The following RYR2 variants were observed in gnomAD, a reference collection of about 807,000 sequenced individuals.
RYR2 encodes the protein cardiac muscle ryanodine receptor-calcium release channel.
Under a neutral mutation model 601.1 loss-of-function variants are expected in RYR2, and 227 were observed. The ratio of observed to expected loss-of-function variants is 0.38; its 90% confidence interval spans 0.34 to 0.42. The LOEUF is 0.42. Ranked by LOEUF, RYR2 falls within the 10% of genes least tolerant of loss-of-function variation. The pLI, the probability that RYR2 is intolerant of heterozygous loss-of-function variation, is 1.00. For missense variants in RYR2, 4,646 were observed against 6,156.5 expected (o/e 0.75, Z 8.21); for synonymous variants, 2,223 against 2,175.1 (o/e 1.02, Z -0.61).
chr1:237,525,063 A>G lies in RYR2; in HGVS notation c.2823-5364A>G, dbSNP rs557431040. Among the ~76,000 whole-genome samples, 271 of 152,248 alleles carry G rather than the reference A, an allele frequency of 1.8e-3. 1 individual carries two copies. Among genetic ancestry groups the G allele is most frequent in the African/African-American group, 6.1e-3 (253 of 41,542 alleles). On this transcript the variant is annotated intron_variant, in intron 24 of 104. Transcript: ENST00000366574. ...TGGGAATTTAGATTCTAATGAACCC[A>G]TTACCTAAATAGTCAACATTGTACT...
intron 24 of RYR2, among the ~76,000 whole-genome samples, chr1:237,526,351 T>G (rs578241136): frequency 2.2e-4 from 34 of 152,054 alleles, no homozygotes; most frequent in African/African-American, 7.7e-4. Context: ...TTCTTTTCTT[T>G]TCTTTTTTTT....
intron 2 of RYR2, among the ~76,000 whole-genome samples, chr1:237,305,889 A>C (rs1286864535): frequency 1.3e-5 from 2 of 152,212 alleles, no homozygotes; most frequent in Non-Finnish European, 2.9e-5. Flanking sequence ...TGTTAATTTT[A>C]TTTAAAATAT....
At position 237,726,317 on chromosome 1, in the gene RYR2, A is replaced by C. The variant is rs747973819; in HGVS notation, c.10725+9A>C. 4.5e-6 allele frequency: 7 copies of C among 1,562,628 alleles called. No homozygotes were observed. The Admixed American group carries it at 1.2e-4, about 27-fold the overall frequency. On this transcript the variant is annotated intron_variant, in intron 75 of 104. Transcript: ENST00000366574. ...GGAGACATTACTGTCTGGGAAGTAC[A>C]GTGCTCAATGGCCTAGAGATTACTA...
chr1:237,681,487 A>G (rs756584490), intron 62 of RYR2, among the ~76,000 whole-genome samples: 7 of 152,140 alleles, frequency 4.6e-5, no homozygotes, highest in Non-Finnish European at 1.0e-4. Flanking sequence ...TCTTTCACTT[A>G]TTGTCTATTT....
chr1:237,127,201 G>A (rs1458825718), intron 1 of RYR2, among the ~76,000 whole-genome samples: 4 of 152,166 alleles, frequency 2.6e-5, no homozygotes, highest in African/African-American at 9.7e-5. Context: ...CACAGACAGG[G>A]CAACCATCCG....
intron 16 of RYR2, among the ~76,000 whole-genome samples, chr1:237,460,024 C>T (rs1027670420): frequency 2.6e-5 from 4 of 152,128 alleles, no homozygotes; most frequent in Non-Finnish European, 2.9e-5. Context: ...CACAGCTCGC[C>T]GTCTACCAGT....
rs2149168019 is a variant in RYR2, at chr1:237,732,084, T to C, written c.10974T>C (p.Thr3658=). 6.2e-7 allele frequency: 1 copy of C among 1,611,640 alleles called. No homozygotes were observed. Among genetic ancestry groups the C allele is most frequent in the Non-Finnish European group, 8.5e-7 (1 of 1,178,360 alleles). Residue 3658 remains threonine (T), a synonymous_variant, in exon 78 of 105, where the codon ACT becomes ACC. Coordinates refer to ENST00000366574, the MANE Select transcript of RYR2 (RefSeq NM_001035.3). The stretch of plus-strand genomic sequence containing the variant: ...AACCTCCAGAAGAAGATGAAGGCAC[T>C]AAGAGAGTTGATCCTCTACATCAGC... ...GAEPPEEDEG[T]KRVDPLHQLI... is the part of the protein sequence containing the mutation.
chr1:237,417,306 G>T lies in RYR2; in HGVS notation c.848+183G>T, dbSNP rs6673182. Among the ~76,000 whole-genome samples, 124,160 of 151,616 alleles carry T rather than the reference G, an allele frequency of 0.82. 51,389 individuals carry two copies. Among genetic ancestry groups the T allele is most frequent in the East Asian group, 1 (5,148 of 5,154 alleles). ...TTCCACCTACCTTTATCATTCCTTA[G>T]CCTCAGTTCACCAGCTAGCAAACCT... On this transcript the variant is annotated intron_variant, in intron 11 of 104. Coordinates refer to ENST00000366574, the MANE Select transcript of RYR2 (RefSeq NM_001035.3).
chr1:237,643,194 A>C, intron 47 of RYR2, 133 bp from the exon 48 acceptor site: 1 of 1,047,672 alleles, frequency 9.5e-7, no homozygotes, highest in Admixed American at 2.5e-5. Flanking sequence ...TATTTCTGAG[A>C]GAGGCATAAC....
At chr1:237,098,195 A>G (rs1031753237) in intron 1 of RYR2, among the ~76,000 whole-genome samples, 58 of 152,222 alleles carry the variant, frequency 3.8e-4, no homozygotes, top group African/African-American at 1.3e-3. Flanking sequence ...GAAACGGGCC[A>G]GTGATTCAGT....
At chr1:237,388,285 A>G (rs1232593824) in intron 10 of RYR2, 102 bp downstream of exon 10, 4 of 898,434 alleles carry the variant, frequency 4.5e-6, no homozygotes, top group African/African-American at 1.7e-5. Context: ...GCATCATACA[A>G]GATGGGCTAC....
intron 2 of RYR2, among the ~76,000 whole-genome samples, chr1:237,326,463 G>A (rs903403059): frequency 7.2e-5 from 11 of 152,148 alleles, no homozygotes; most frequent in Admixed American, 3.3e-4. Context: ...TAGACAGACT[G>A]AATCTCTTTC....
chr1:237,379,284 C>T (rs1167253882), intron 8 of RYR2, among the ~76,000 whole-genome samples: 1 of 152,150 alleles, frequency 6.6e-6, no homozygotes, highest in Non-Finnish European at 1.5e-5. Flanking sequence ...GACAGGATGG[C>T]ATCATTATGC....
At chr1:237,368,657 A>G (rs1241014909) in intron 5 of RYR2, among the ~76,000 whole-genome samples, 1 of 152,140 alleles carries the variant, frequency 6.6e-6, no homozygotes, top group Admixed American at 6.5e-5. Flanking sequence ...AAGCTCTCCA[A>G]TTTAAGAAGC....
chr1:237,666,443 A>G (rs1684333812), intron 56 of RYR2, 69 bp from the exon 57 acceptor site: 24 of 1,336,452 alleles, frequency 1.8e-5, no homozygotes, highest in Non-Finnish European at 2.4e-5. Flanking sequence ...CCATATTTTT[A>G]AAGTATAAGT....
intron 35 of RYR2, 44 bp downstream of exon 35, chr1:237,602,155 T>C (rs1281731011): frequency 7.0e-7 from 1 of 1,435,782 alleles, no homozygotes; most frequent in African/African-American, 1.4e-5. Flanking sequence ...TTTTTTCTAT[T>C]AGGATATAGC....
chr1:237,669,698 G>T lies in RYR2; in HGVS notation c.8590+1740G>T, dbSNP rs201081887. ...CCCACATCTCAGAGGATGGGCGGCC[G>T]GGCAGAGACGCTCCTCACTTCCTAG... On this transcript the variant is annotated intron_variant, in intron 58 of 104. Transcript: ENST00000366574. Among the ~76,000 whole-genome samples the T allele has an allele frequency of 1.7e-3, 254 of 151,004 alleles. 4 individuals carry two copies. Among genetic ancestry groups the T allele is most frequent in the African/African-American group, 5.3e-3 (218 of 41,090 alleles).
chr1:237,771,036 G>A (rs1034938723), intron 85 of RYR2, 149 bp downstream of exon 85: 5 of 453,026 alleles, frequency 1.1e-5, no homozygotes, highest in African/African-American at 6.0e-5. Context: ...GAACTGGGAC[G>A]TTTTATATAT....
intron 24 of RYR2, among the ~76,000 whole-genome samples, chr1:237,513,793 T>C (rs1435613254): frequency 6.6e-6 from 1 of 152,222 alleles, no homozygotes; most frequent in African/African-American, 2.4e-5. Flanking sequence ...TTTGTACGAA[T>C]ATACTCTATA....
Sources: allele counts gnomAD v4.1 joint callset (sites outside exome capture counted in the v4.1 genomes callset), GRCh38; gene constraint gnomAD v4.1.1; transcripts MANE v1.5; gene names NCBI Gene and HGNC (gene_info 2026-07-23, HGNC 2026-07-21).